Variants in FAM47E observed in about 807,000 individuals in gnomAD.
FAM47E encodes family with sequence similarity 47 member E.
A neutral mutation model predicts 41.6 loss-of-function variants in FAM47E; 32 were observed. The ratio of observed to expected loss-of-function variants is 0.77; its 90% CI spans 0.58 to 1.03. The LOEUF is 1.03. FAM47E is among the 50% of genes least tolerant of loss of function. FAM47E has a pLI of 0.00. For missense variants in FAM47E, 424 were observed against 485.4 expected (o/e 0.87, Z 1.19); for synonymous variants, 184 against 188.7 (o/e 0.98, Z 0.20).
chr4:76,263,130 A>C (rs1471245840), intron 2 of FAM47E, among the ~76,000 whole-genome samples: 5 of 152,138 alleles, frequency 3.3e-5, no homozygotes, highest in African/African-American at 1.2e-4. Context: ...GTTTCAGATG[A>C]CTGAAATTAT....
chr4:76,254,899 T>C (rs529068352), intron 1 of FAM47E, among the ~76,000 whole-genome samples: 2 of 152,270 alleles, frequency 1.3e-5, no homozygotes, highest in African/African-American at 4.8e-5. Flanking sequence ...GTCTCTTCCA[T>C]CTCATCTATA....
intron 2 of FAM47E, among the ~76,000 whole-genome samples, chr4:76,246,614 AC>A (rs1234546835): frequency 6.6e-6 from 1 of 152,134 alleles, no homozygotes. Context: ...TTACATATGT[AC>A]TAACATATCC....
In FAM47E at chr4:76,263,843, C is replaced by T. The variant is rs61730247; in HGVS notation, c.560C>T (p.Pro187Leu). ...KKHSTQVYLG[P>L]SKKTSVSNAG... ...CATTCTACCCAAGTCTACCTGGGAC[C>T]GTGAGTATTGTTCTTAACCCTTCGA... is the stretch of plus-strand genomic sequence containing the variant. Residue 187 changes from proline to leucine, a missense_variant and splice_region_variant, in exon 3 of 8, where the codon CCT becomes CTT. Pro to Leu is a moderately conservative substitution (Grantham distance 98, BLOSUM62 -3). Coordinates refer to ENST00000424749, the MANE Select transcript of FAM47E (RefSeq NM_001136570.3). 10,290 of 1,551,010 alleles carry T rather than the reference C, an allele frequency of 6.6e-3. 93 individuals are homozygous for T. The highest frequency in any genetic ancestry group is 0.037 in the Admixed American group (1,899 of 50,982).
rs1260781915 is a variant in FAM47E at position 76,271,769 on chromosome 4, G to A, written c.870+1G>A. Reference sequence around the variant, plus strand: ...TGAGAGGAAACTCCAGAAACCACAGGTAATTGCAGAAGGGGACCAGACCGA... The same window carrying A: ...TGAGAGGAAACTCCAGAAACCACAGATAATTGCAGAAGGGGACCAGACCGA... On this transcript the variant is annotated splice_donor_variant, in intron 5 of 7. Coordinates refer to ENST00000424749, the MANE Select transcript of FAM47E (RefSeq NM_001136570.3). LOFTEE classifies it high-confidence loss of function. 1 of 1,550,852 alleles carries A rather than the reference G, an allele frequency of 6.4e-7. No homozygotes were observed. The highest frequency in any genetic ancestry group is 1.2e-5 in the South Asian group (1 of 83,884).
At chr4:76,254,911 G>A (rs1220461167) in intron 1 of FAM47E, among the ~76,000 whole-genome samples, 1 of 152,066 alleles carries the variant, frequency 6.6e-6, no homozygotes, top group Non-Finnish European at 1.5e-5. Context: ...TCATCTATAT[G>A]CCCTAACTAC....
In FAM47E at chr4:76,256,229, C is replaced by A; in HGVS notation, c.126C>A (p.Ser42Arg). The A allele has an allele frequency of 6.4e-7, 1 of 1,551,668 alleles. No homozygotes were observed. Among genetic ancestry groups the A allele is most frequent in the Non-Finnish European group, 8.7e-7 (1 of 1,146,972 alleles). ...TGAAGTTCCCCACCTCTCTGCACAGCCGGCAGTTGGTATTTCCAAGAAAGG... is the reference window on the plus strand; with the variant it reads ...TGAAGTTCCCCACCTCTCTGCACAGACGGCAGTTGGTATTTCCAAGAAAGG... ...NGLKFPTSLH[S>R]RQLVFPRKGL... Residue 42 changes from serine to arginine, a missense_variant, in exon 2 of 8, where the codon AGC becomes AGA. Physicochemically the swap from Ser to Arg is moderately radical, Grantham distance 110. Transcript: ENST00000424749.
chr4:76,266,244 G>C (rs189319147), intron 3 of FAM47E, among the ~76,000 whole-genome samples: 1 of 152,102 alleles, frequency 6.6e-6, no homozygotes, highest in Non-Finnish European at 1.5e-5. Flanking sequence ...TTTTCAGCAC[G>C]TTTACTCACA....
Position 76,268,644 on chromosome 4 carries a change from A to G in FAM47E, c.561-16A>G, listed in dbSNP as rs762772538. On this transcript the variant is annotated splice_polypyrimidine_tract_variant and intron_variant, in intron 3 of 7. Transcript: ENST00000424749. ...TTGTGTCTCATATTGTAATTCTTTAATGATCTTATCTTTAGTTCCAAGAAG... is the reference window on the plus strand; with the variant it reads ...TTGTGTCTCATATTGTAATTCTTTAGTGATCTTATCTTTAGTTCCAAGAAG... 3.2e-6 allele frequency: 5 copies of G among 1,547,712 alleles called. No homozygotes were observed. Among genetic ancestry groups the G allele is most frequent in the Admixed American group, 4.0e-5 (2 of 49,968 alleles).
At chr4:76,261,513 C>T (rs987963870) in intron 2 of FAM47E, among the ~76,000 whole-genome samples, 1 of 152,184 alleles carries the variant, frequency 6.6e-6, no homozygotes, top group Non-Finnish European at 1.5e-5. Flanking sequence ...GAAGTCATGT[C>T]TATCGTAGCG....
intron 2 of FAM47E, among the ~76,000 whole-genome samples, chr4:76,242,686 G>A (rs545027056): frequency 6.6e-6 from 1 of 152,262 alleles, no homozygotes; most frequent in Non-Finnish European, 1.5e-5. Context: ...GAATTAAGAT[G>A]TGCTGAAAGT....
At chr4:76,218,496 T>C (rs1486818288) in intron 2 of FAM47E, among the ~76,000 whole-genome samples, 1 of 152,230 alleles carries the variant, frequency 6.6e-6, no homozygotes, top group Non-Finnish European at 1.5e-5. Flanking sequence ...TGTCCCTGTC[T>C]ACCGCCTCCT....
chr4:76,268,799 T>A lies in FAM47E; in HGVS notation c.669+31T>A, dbSNP rs1295514711. 3 of 1,550,340 alleles carry A rather than the reference T, an allele frequency of 1.9e-6. No homozygotes were observed. In the Admixed American group the frequency reaches 5.9e-5, roughly 31 times the overall value. On this transcript the variant is annotated intron_variant, in intron 4 of 7. Coordinates refer to ENST00000424749, the MANE Select transcript of FAM47E (RefSeq NM_001136570.3). ...CAAAGCAGTTAGTGACTTCTGCAAG[T>A]GGGTTACTACTTTTGTAAGTTAGTG...
chr4:76,270,254 C>T (rs1168571365), intron 4 of FAM47E, among the ~76,000 whole-genome samples: 1 of 152,154 alleles, frequency 6.6e-6, no homozygotes, highest in African/African-American at 2.4e-5. Context: ...TATATCCTAC[C>T]AGCGAGCAAC....
At chr4:76,265,659 T>C (rs28492993) in intron 3 of FAM47E, among the ~76,000 whole-genome samples, 89,947 of 151,842 alleles carry the variant, frequency 0.59, 26,922 homozygotes, top group Middle Eastern at 0.66. Flanking sequence ...GCTAATGAGG[T>C]GCTCAGGTTG....
Position 76,251,729 on chromosome 4 carries a change from C to T in FAM47E, c.-18C>T, listed in dbSNP as rs1206035269. ...ACACCGCCCAAGCCCGGACGGTGGCCGCGAAGCTAGGGCCACCATGGCGGA... is the reference window on the plus strand; with the variant it reads ...ACACCGCCCAAGCCCGGACGGTGGCTGCGAAGCTAGGGCCACCATGGCGGA... On this transcript the variant is annotated 5_prime_UTR_variant, in exon 1 of 8. Transcript: ENST00000424749. 1 of 1,472,598 alleles carries T rather than the reference C, an allele frequency of 6.8e-7. No individual in the cohort carries two copies. The highest frequency in any genetic ancestry group is 8.9e-7 in the Non-Finnish European group (1 of 1,119,038). The allele number at this position is 1,472,598 out of a possible 1,614,324, so 91.2% of individuals were successfully genotyped here. A position where few individuals can be genotyped will look rare whatever the true frequency, so the allele number is the denominator to read the frequency against.
chr4:76,250,886 C>T (rs1733943606), upstream of FAM47E, among the ~76,000 whole-genome samples: 1 of 152,074 alleles, frequency 6.6e-6, no homozygotes, highest in South Asian at 2.1e-4. Context: ...TTCTTAAATG[C>T]TGGCACTGTG....
chr4:76,277,983 C>G, intron 5 of FAM47E, 86 bp from the exon 6 acceptor site: 3 of 1,368,582 alleles, frequency 2.2e-6, no homozygotes, highest in Non-Finnish European at 2.8e-6. Context: ...AGTAATGATC[C>G]TGCTCTCCTA....
At chr4:76,227,627 G>A (rs948968929) in intron 2 of FAM47E, among the ~76,000 whole-genome samples, 4 of 152,198 alleles carry the variant, frequency 2.6e-5, no homozygotes, top group Admixed American at 6.5e-5. Context: ...GTGGAGTATT[G>A]AAGTCCCCAC....
chr4:76,220,885 C>G (rs1176552964), intron 2 of FAM47E, among the ~76,000 whole-genome samples: 1 of 152,154 alleles, frequency 6.6e-6, no homozygotes, highest in Non-Finnish European at 1.5e-5. Flanking sequence ...CACCTGGGAT[C>G]AGCTGGGACC....
Sources: allele counts gnomAD v4.1 joint callset (sites outside exome capture counted in the v4.1 genomes callset), GRCh38; gene constraint gnomAD v4.1.1; transcripts MANE v1.5; gene names NCBI Gene and HGNC (gene_info 2026-07-23, HGNC 2026-07-21).